The following RAPGEF5 variants were observed in gnomAD, a reference collection of about 807,000 sequenced individuals.
RAPGEF5 encodes M-Ras-regulated GEF.
RAPGEF5 carries 65 observed loss-of-function variants against 125.2 expected under a neutral mutation model. The ratio of observed to expected loss-of-function variants is 0.52; its 90% confidence interval spans 0.43 to 0.64. The LOEUF is 0.64. Among genes scored for constraint, RAPGEF5 ranks in the 30% least tolerant of loss-of-function variants. The pLI, the probability that RAPGEF5 is intolerant of heterozygous loss-of-function variation, is 0.00. For missense variants in RAPGEF5, 958 were observed against 1,048.1 expected (o/e 0.91, Z 1.19); for synonymous variants, 391 against 385.9 (o/e 1.01, Z -0.16).
chr7:22,129,386 A>C (rs1013268847), intron 24 of RAPGEF5, among the ~76,000 whole-genome samples: 2 of 152,080 alleles, frequency 1.3e-5, no homozygotes, highest in African/African-American at 4.8e-5. Flanking sequence ...GGCGTGACAC[A>C]CCTCATCCCA....
intron 25 of RAPGEF5, 121 bp downstream of exon 25, chr7:22,125,483 G>C: frequency 2.3e-6 from 2 of 863,640 alleles, no homozygotes; most frequent in East Asian, 2.5e-5. Context: ...TACAATATGC[G>C]TATGTATATA....
intron 11 of RAPGEF5, among the ~76,000 whole-genome samples, chr7:22,186,213 T>A (rs1392138625): frequency 1.3e-5 from 2 of 152,218 alleles, no homozygotes; most frequent in Non-Finnish European, 2.9e-5. Flanking sequence ...AAGGCTGATA[T>A]CCTTATCAAA....
Position 22,194,047 on chromosome 7 carries a change from C to G in RAPGEF5, c.997-14G>C. ...TTCATCATCTTGCTTTAATTGTGGA[C>G]AGGGATGATGGATGAGAGAAGGAAA... On this transcript the variant is annotated splice_polypyrimidine_tract_variant and intron_variant, in intron 9 of 25. Coordinates refer to ENST00000665637, the MANE Select transcript of RAPGEF5 (RefSeq NM_012294.5). The G allele has an allele frequency of 6.3e-7, 1 of 1,598,022 alleles. No individual in the cohort carries two copies. The highest frequency in any genetic ancestry group is 1.1e-5 in the South Asian group (1 of 89,494).
At chr7:22,356,699 GA>G in intron 1 of RAPGEF5, 130 bp downstream of exon 1, 1 of 406,376 alleles carries the variant, frequency 2.5e-6, no homozygotes, top group Non-Finnish European at 3.5e-6. Context: ...CTCTTCAGCC[GA>G]GTCCGGCAGA....
At chr7:22,194,934 C>T (rs1305470167) in intron 9 of RAPGEF5, among the ~76,000 whole-genome samples, 4 of 152,208 alleles carry the variant, frequency 2.6e-5, no homozygotes, top group Non-Finnish European at 4.4e-5. Flanking sequence ...GTGCAATACC[C>T]AGTAAGCGTA....
rs1388128088 is a variant in RAPGEF5 at position 22,140,059 on chromosome 7, G to A, written c.2243C>T (p.Thr748Ile). 1.9e-6 allele frequency: 3 copies of A among 1,569,352 alleles called. No individual in the cohort carries two copies. Among genetic ancestry groups the A allele is most frequent in the East Asian group, 4.7e-5 (2 of 42,342 alleles). Residue 748 changes from threonine (T) to isoleucine (I), a missense_variant, in exon 21 of 26, where the codon ACT (threonine) becomes ATT (isoleucine). Transcript: ENST00000665637. ...CTGCGACAGTCGACTGACAGAAGCA[G>A]TGTTGAGACCCATCACAATGGCAAA... ...SFFAIVMGLNTASVSRLSQTW... is the reference protein window; with the variant it reads ...SFFAIVMGLNIASVSRLSQTW...
chr7:22,122,103 T>G lies in RAPGEF5; in HGVS notation c.*303A>C, dbSNP rs556790960. The stretch of plus-strand genomic sequence containing the variant: ...GTTGTCTTGTCTTGATGCTGGCACA[T>G]CTCATATTGAAAACTGGACTGGATC... On this transcript the variant is annotated 3_prime_UTR_variant, in exon 26 of 26. Transcript: ENST00000665637. 1.0e-5 allele frequency: 3 copies of G among 301,042 alleles called. No individual in the cohort carries two copies. Among genetic ancestry groups the G allele is most frequent in the Non-Finnish European group, 1.9e-5 (3 of 156,570 alleles). 18.6% of individuals were successfully genotyped at this position (301,042 alleles called of 1,614,324 possible). A position where few individuals can be genotyped will look rare whatever the true frequency, so the allele number is the denominator to read the frequency against.
intron 7 of RAPGEF5, among the ~76,000 whole-genome samples, chr7:22,237,465 G>T (rs1583505897): frequency 7.3e-6 from 1 of 136,472 alleles, no homozygotes; most frequent in Admixed American, 7.2e-5. Context: ...ACAACCTTTA[G>T]GCTTCTCAAA....
intron 1 of RAPGEF5, among the ~76,000 whole-genome samples, chr7:22,333,718 C>T (rs1003924428): frequency 6.7e-6 from 1 of 149,296 alleles, no homozygotes; most frequent in African/African-American, 2.5e-5. Context: ...CAGGCACACA[C>T]CTCCACTTGT....
intron 6 of RAPGEF5, among the ~76,000 whole-genome samples, chr7:22,267,653 C>G (rs769456348): frequency 6.6e-6 from 1 of 152,322 alleles, no homozygotes; most frequent in African/African-American, 2.4e-5. Context: ...TACTCTCACT[C>G]TCATCCTTCC....
chr7:22,161,438 G>A (rs1173898494), intron 13 of RAPGEF5, among the ~76,000 whole-genome samples: 4 of 151,956 alleles, frequency 2.6e-5, no homozygotes, highest in Admixed American at 2.6e-4. Flanking sequence ...TCAGGAGGGT[G>A]AAGTGCAAGG....
At chr7:22,152,580 A>G (rs141469156) in intron 17 of RAPGEF5, among the ~76,000 whole-genome samples, 42 of 152,356 alleles carry the variant, frequency 2.8e-4, no homozygotes, top group African/African-American at 9.9e-4. Flanking sequence ...GGTAAAAAAC[A>G]GCTAAAGACT....
intron 7 of RAPGEF5, among the ~76,000 whole-genome samples, chr7:22,259,820 G>A (rs1006632863): frequency 5.3e-5 from 8 of 152,164 alleles, no homozygotes; most frequent in Admixed American, 1.3e-4. Context: ...TGGTTGTCTC[G>A]AACTCCTGAC....
At chr7:22,161,646 C>T (rs1193064086) in intron 13 of RAPGEF5, among the ~76,000 whole-genome samples, 2 of 151,344 alleles carry the variant, frequency 1.3e-5, no homozygotes, top group South Asian at 2.1e-4. Flanking sequence ...GCTTTGCAAA[C>T]AACATGAGTT....
intron 9 of RAPGEF5, among the ~76,000 whole-genome samples, chr7:22,196,065 T>C (rs1370368206): frequency 6.6e-6 from 1 of 152,194 alleles, no homozygotes; most frequent in Admixed American, 6.5e-5. Flanking sequence ...GGGGAAGAGC[T>C]GAATCATATT....
At chr7:22,246,223 C>A (rs772074987) in intron 7 of RAPGEF5, among the ~76,000 whole-genome samples, 5 of 152,166 alleles carry the variant, frequency 3.3e-5, no homozygotes, top group Non-Finnish European at 7.4e-5. Context: ...CTAGAAAAAA[C>A]TATTCTAAAA....
At chr7:22,296,927 A>G (rs1783076476) in intron 5 of RAPGEF5, among the ~76,000 whole-genome samples, 1 of 152,216 alleles carries the variant, frequency 6.6e-6, no homozygotes, top group South Asian at 2.1e-4. Flanking sequence ...TAAGATGAGG[A>G]CTGAAAAATC....
chr7:22,243,607 T>C (rs1381525727), intron 7 of RAPGEF5, among the ~76,000 whole-genome samples: 2 of 152,138 alleles, frequency 1.3e-5, no homozygotes, highest in Non-Finnish European at 2.9e-5. Context: ...ATTTCTTAAG[T>C]TTTAATTTTT....
intron 7 of RAPGEF5, among the ~76,000 whole-genome samples, chr7:22,266,364 T>C (rs1182118773): frequency 2.6e-5 from 4 of 152,202 alleles, no homozygotes; most frequent in Admixed American, 6.5e-5. Flanking sequence ...TGAGTCTCCA[T>C]TTCATATTGA....
Sources: allele counts gnomAD v4.1 joint callset (sites outside exome capture counted in the v4.1 genomes callset), GRCh38; gene constraint gnomAD v4.1.1; transcripts MANE v1.5; gene names NCBI Gene and HGNC (gene_info 2026-07-23, HGNC 2026-07-21).